The following IL31RA variants were observed in gnomAD, a reference collection of about 807,000 sequenced individuals.
IL31RA encodes the protein interleukin-31 receptor subunit alpha.
A neutral mutation model predicts 83.7 loss-of-function variants in IL31RA; 66 were observed. The observed-to-expected ratio is 0.79, with a 90% confidence interval of 0.65 to 0.97. IL31RA has a LOEUF of 0.97. Ranked by LOEUF, IL31RA falls within the 50% of genes least tolerant of loss-of-function variation. IL31RA has a pLI of 0.00. For synonymous variants in IL31RA, 325 were observed against 329.0 expected, an observed-to-expected ratio of 0.99 and a Z score of 0.13; for missense variants, 798 against 919.4, an observed-to-expected ratio of 0.87 and a Z score of 1.71.
intron 6 of IL31RA, among the ~76,000 whole-genome samples, chr5:55,895,006 C>G (rs569233246): frequency 6.6e-6 from 1 of 152,204 alleles, no homozygotes; most frequent in Non-Finnish European, 1.5e-5. Flanking sequence ...CATGAGCCAC[C>G]GTGCCCAGCC....
At chr5:55,910,729 G>A (rs1443895846) in intron 12 of IL31RA, 57 bp downstream of exon 12, 1 of 1,592,790 alleles carries the variant, frequency 6.3e-7, no homozygotes, top group East Asian at 2.2e-5. Flanking sequence ...TTACATCAGA[G>A]AGAAATGACA....
At chr5:55,870,269 G>A (rs544129414) in intron 3 of IL31RA, among the ~76,000 whole-genome samples, 16 of 152,222 alleles carry the variant, frequency 1.1e-4, no homozygotes, top group Admixed American at 6.5e-4. Context: ...ATTTTTGTTC[G>A]TTTTATTTAT....
chr5:55,855,472 T>C (rs1348038562), intron 1 of IL31RA, among the ~76,000 whole-genome samples: 2 of 152,128 alleles, frequency 1.3e-5, no homozygotes, highest in Non-Finnish European at 2.9e-5. Flanking sequence ...GCTGAGTGAA[T>C]GTATGAATGA....
intron 1 of IL31RA, among the ~76,000 whole-genome samples, chr5:55,857,245 C>T (rs1423849278): frequency 6.6e-6 from 1 of 152,114 alleles, no homozygotes; most frequent in Non-Finnish European, 1.5e-5. Flanking sequence ...ACTACAGGCA[C>T]ATGCCACCAT....
At chr5:55,908,837 C>A in intron 11 of IL31RA, 1 of 1,366,714 alleles carries the variant, frequency 7.3e-7, no homozygotes, top group Non-Finnish European at 9.4e-7. Context: ...ATCTTAAATA[C>A]TGGGCAAGGC....
chr5:55,867,149 ATGTGTGTTTG>A (rs1746136470), intron 2 of IL31RA, among the ~76,000 whole-genome samples: 1 of 71,176 alleles, frequency 1.4e-5, no homozygotes, highest in Non-Finnish European at 3.0e-5. Flanking sequence ...GTGTGTGTGC[ATGTGTGTTTG>A]TGTGTGTGCA....
upstream of IL31RA, among the ~76,000 whole-genome samples, chr5:55,847,232 A>AT (rs1420948697): frequency 1.2e-4 from 5 of 43,274 alleles, no homozygotes; most frequent in African/African-American, 5.7e-4. Flanking sequence ...AACAGAAAAA[A>AT]AAAAAAAAAT....
intron 4 of IL31RA, among the ~76,000 whole-genome samples, chr5:55,876,301 G>C (rs868809597): frequency 6.6e-6 from 1 of 152,094 alleles, no homozygotes; most frequent in African/African-American, 2.4e-5. Context: ...AGCTACTCGG[G>C]AGGCTGAGGC....
intron 3 of IL31RA, among the ~76,000 whole-genome samples, chr5:55,870,850 T>TG (rs2112375323): frequency 6.6e-6 from 1 of 152,316 alleles, no homozygotes; most frequent in East Asian, 1.9e-4. Context: ...GAATTTTTCC[T>TG]GGGGAGTTGG....
chr5:55,887,911 G>C (rs567484854), intron 5 of IL31RA, among the ~76,000 whole-genome samples: 1 of 151,516 alleles, frequency 6.6e-6, no homozygotes, highest in Non-Finnish European at 1.5e-5. Flanking sequence ...TTAGCCCGGC[G>C]TGGTGGTGCG....
intron 1 of IL31RA, among the ~76,000 whole-genome samples, chr5:55,859,182 C>A (rs149189450): frequency 2.0e-5 from 3 of 152,192 alleles, no homozygotes; most frequent in Non-Finnish European, 4.4e-5. Context: ...AGGGCCTAGG[C>A]ACTGAGGCAA....
Position 55,900,107 on chromosome 5 carries a change from G to A in IL31RA, c.1044G>A (p.Leu348=). 1 of 1,613,712 alleles carries A rather than the reference G, an allele frequency of 6.2e-7. No individual in the cohort carries two copies. The highest frequency in any genetic ancestry group is 1.6e-4 in the Middle Eastern group (1 of 6,062). The change falls in exon 8 of 15, where the codon CTG becomes CTA. Residue 348 remains leucine (L), a synonymous_variant. Transcript: ENST00000652347. ...TTGGGAAGTCTCCAGTGGCCACCCT[G>A]AGGATTCCAGCTATTCAAGAAAAAT... ...NSLGKSPVAT[L]RIPAIQEKSF...
chr5:55,908,884 G>A (rs1030065621), intron 11 of IL31RA: 36 of 1,296,498 alleles, frequency 2.8e-5, no homozygotes, highest in Non-Finnish European at 3.3e-5. Flanking sequence ...TTTTTCTTAT[G>A]GTAAAATACA....
chr5:55,870,734 C>T (rs1746457753), intron 3 of IL31RA, among the ~76,000 whole-genome samples: 1 of 152,164 alleles, frequency 6.6e-6, no homozygotes, highest in Non-Finnish European at 1.5e-5. Context: ...AGGATCTCTT[C>T]CAAGCAAAGT....
intron 5 of IL31RA, among the ~76,000 whole-genome samples, chr5:55,884,787 T>C (rs1747478219): frequency 6.6e-6 from 1 of 152,166 alleles, no homozygotes; most frequent in East Asian, 1.9e-4. Flanking sequence ...CCTGAAGACT[T>C]GCCAGTAAAA....
intron 10 of IL31RA, 43 bp downstream of exon 10, chr5:55,907,503 A>C: frequency 7.7e-7 from 1 of 1,293,602 alleles, no homozygotes; most frequent in East Asian, 2.3e-5. Flanking sequence ...AAACAGTGTG[A>C]CCTGTCCCAC....
At position 55,885,460 on chromosome 5, in the gene IL31RA, CTG is replaced by C. The variant is rs527390940; in HGVS notation, c.606+2266_606+2267del. On this transcript the variant is annotated intron_variant, in intron 5 of 14. Coordinates refer to ENST00000652347, the MANE Select transcript of IL31RA (RefSeq NM_139017.7). The stretch of plus-strand genomic sequence containing the variant: ...TGCTAACAGGCTACCACCTCACAGA[CTG>C]AATACCAGGCCACCACACAGGAGCT... Among the ~76,000 whole-genome samples the C allele has an allele frequency of 9.8e-5, 15 of 152,322 alleles. No individual in the cohort carries two copies. In the South Asian group the frequency reaches 2.3e-3, roughly 23 times the overall value.
At chr5:55,846,058 A>T in the IL31RA span, among the ~76,000 whole-genome samples, 1 of 152,178 alleles carries the variant, frequency 6.6e-6, no homozygotes, top group Non-Finnish European at 1.5e-5. Context: ...ATGATAATTC[A>T]GGTTTTCCTA....
At chr5:55,877,399 C>T (rs1472275925) in intron 4 of IL31RA, among the ~76,000 whole-genome samples, 2 of 152,130 alleles carry the variant, frequency 1.3e-5, no homozygotes, top group Non-Finnish European at 2.9e-5. Context: ...TACAATAATA[C>T]TAGCTTTTAT....
Sources: allele counts gnomAD v4.1 joint callset (sites outside exome capture counted in the v4.1 genomes callset), GRCh38; gene constraint gnomAD v4.1.1; transcripts MANE v1.5; gene names NCBI Gene and HGNC (gene_info 2026-07-23, HGNC 2026-07-21).